EPHA6: variants seen among roughly 807,000 people sequenced by gnomAD.
EPHA6 encodes the protein EPH receptor A6, also known as ephrin type-A receptor 6.
In EPHA6, 50 loss-of-function variants were observed where a neutral mutation model predicts 112.0. The observed-to-expected ratio is 0.45, with a 90% CI of 0.36 to 0.56. The LOEUF (loss-of-function observed/expected upper bound fraction) is 0.56. EPHA6 is among the 20% of genes least tolerant of loss of function. EPHA6 has a pLI of 0.00. For missense variants in EPHA6, 1,280 were observed against 1,417.4 expected (o/e 0.90, Z 1.56); for synonymous variants, 529 against 490.7 (o/e 1.08, Z -1.03).
At chr3:96,857,561 T>C (rs1181286299) in intron 1 of EPHA6, among the ~76,000 whole-genome samples, 2 of 152,166 alleles carry the variant, frequency 1.3e-5, no homozygotes, top group East Asian at 3.9e-4. Flanking sequence ...CAGTAGGAAT[T>C]TGTCCTACAT....
At chr3:97,357,382 T>C (rs2084137219) in intron 5 of EPHA6, among the ~76,000 whole-genome samples, 1 of 152,100 alleles carries the variant, frequency 6.6e-6, no homozygotes, top group Non-Finnish European at 1.5e-5. Context: ...AGTTTCTTTA[T>C]AGTAGAACCG....
intron 2 of EPHA6, among the ~76,000 whole-genome samples, chr3:96,934,086 A>T (rs2040464139): frequency 6.6e-6 from 1 of 152,014 alleles, no homozygotes; most frequent in African/African-American, 2.4e-5. Flanking sequence ...ATTTGTTAAT[A>T]GCTTCATTTT....
At chr3:96,873,808 T>C (rs1187350218) in intron 2 of EPHA6, among the ~76,000 whole-genome samples, 1 of 152,154 alleles carries the variant, frequency 6.6e-6, no homozygotes, top group Non-Finnish European at 1.5e-5. Context: ...AGAATAACCA[T>C]GTACATTTCT....
chr3:97,281,496 G>A (rs2080285734), intron 5 of EPHA6, among the ~76,000 whole-genome samples: 1 of 151,932 alleles, frequency 6.6e-6, no homozygotes, highest in African/African-American at 2.4e-5. Context: ...TCCTAATCAA[G>A]TGTGCCTATT....
Position 97,736,112 on chromosome 3 carries a change from T to C in EPHA6, c.3122T>C (p.Ile1041Thr). 2 of 1,611,016 alleles carry C rather than the reference T, an allele frequency of 1.2e-6. No individual in the cohort carries two copies. The highest frequency in any genetic ancestry group is 8.5e-7 in the Non-Finnish European group (1 of 1,178,128). The change falls in exon 16 of 18, where the codon ATC becomes ACC. Residue 1041 changes from isoleucine to threonine, a missense_variant. Physicochemically the swap from Ile to Thr is moderately conservative, Grantham distance 89 (BLOSUM62 -1). Transcript: ENST00000389672. ...PSALHTLVED[I>T]LVMPESPGEV... Reference sequence around the variant, plus strand: ...GCCCTTCACACCCTGGTGGAGGACATCCTTGTGTAAGAGGCATAATGTTGA... The same window carrying C: ...GCCCTTCACACCCTGGTGGAGGACACCCTTGTGTAAGAGGCATAATGTTGA...
At chr3:96,991,789 A>G (rs2043226840) in intron 3 of EPHA6, among the ~76,000 whole-genome samples, 1 of 152,182 alleles carries the variant, frequency 6.6e-6, no homozygotes, top group Non-Finnish European at 1.5e-5. Context: ...GATCTGCAGA[A>G]CTAAGAACCT....
At chr3:97,686,432 C>T (rs1285378618) in intron 14 of EPHA6, among the ~76,000 whole-genome samples, 2 of 152,102 alleles carry the variant, frequency 1.3e-5, no homozygotes, top group Non-Finnish European at 2.9e-5. Flanking sequence ...AGATCTATCC[C>T]TAGGGAACTC....
At chr3:97,514,041 A>G (rs1184406755) in intron 10 of EPHA6, among the ~76,000 whole-genome samples, 1 of 152,196 alleles carries the variant, frequency 6.6e-6, no homozygotes. Flanking sequence ...CTCTGCACCA[A>G]GACCTATGCC....
intron 3 of EPHA6, among the ~76,000 whole-genome samples, chr3:97,054,066 A>G (rs954572297): frequency 6.6e-6 from 1 of 151,880 alleles, no homozygotes; most frequent in African/African-American, 2.4e-5. Flanking sequence ...ACCAACACCT[A>G]GGGGGCTTAC....
At chr3:97,665,167 C>T (rs1225278582) in intron 14 of EPHA6, among the ~76,000 whole-genome samples, 2 of 152,134 alleles carry the variant, frequency 1.3e-5, no homozygotes, top group Admixed American at 6.6e-5. Flanking sequence ...TAATACCACA[C>T]ATCTACAACT....
At chr3:97,549,449 C>A (rs1436689057) in intron 11 of EPHA6, among the ~76,000 whole-genome samples, 1 of 152,090 alleles carries the variant, frequency 6.6e-6, no homozygotes, top group East Asian at 1.9e-4. Flanking sequence ...TAGCTATGAT[C>A]TTGAAGAATA....
chr3:97,365,651 G>A (rs891123568), intron 5 of EPHA6, among the ~76,000 whole-genome samples: 6 of 152,156 alleles, frequency 3.9e-5, no homozygotes, highest in African/African-American at 1.2e-4. Flanking sequence ...GCCTCCTAAA[G>A]TGCTGGGATT....
intron 3 of EPHA6, among the ~76,000 whole-genome samples, chr3:97,159,946 A>G (rs1344673722): frequency 6.6e-6 from 1 of 152,174 alleles, no homozygotes; most frequent in East Asian, 1.9e-4. Flanking sequence ...AATGTAATCA[A>G]CCTGACACCA....
chr3:97,626,472 A>G (rs1178045889), intron 13 of EPHA6, among the ~76,000 whole-genome samples: 1 of 151,828 alleles, frequency 6.6e-6, no homozygotes, highest in Non-Finnish European at 1.5e-5. Flanking sequence ...AAAGAAAAAC[A>G]AGGATGCCAA....
At chr3:97,074,060 T>C (rs1192839948) in intron 3 of EPHA6, among the ~76,000 whole-genome samples, 1 of 151,760 alleles carries the variant, frequency 6.6e-6, no homozygotes, top group Admixed American at 6.6e-5. Context: ...AAGCATACTG[T>C]AAATGTATAC....
chr3:97,148,459 ACCTTGTC>A (rs575635792), intron 3 of EPHA6, among the ~76,000 whole-genome samples: 66 of 152,112 alleles, frequency 4.3e-4, no homozygotes, highest in Admixed American at 1.1e-3. Context: ...TCAGAGTGAG[ACCTTGTC>A]TTGAAAAAAA....
At chr3:97,685,443 C>T (rs538548683) in intron 14 of EPHA6, among the ~76,000 whole-genome samples, 1 of 152,268 alleles carries the variant, frequency 6.6e-6, no homozygotes, top group Non-Finnish European at 1.5e-5. Context: ...CCTCCCAAAC[C>T]TTAGTCACTA....
intron 14 of EPHA6, among the ~76,000 whole-genome samples, chr3:97,713,484 G>A (rs1005951901): frequency 5.3e-5 from 8 of 152,120 alleles, no homozygotes; most frequent in Non-Finnish European, 1.2e-4. Flanking sequence ...ATCGATTTCT[G>A]CAGTGCTTAT....
chr3:97,203,131 G>A (rs544232207), intron 3 of EPHA6, among the ~76,000 whole-genome samples: 1 of 152,192 alleles, frequency 6.6e-6, no homozygotes, highest in South Asian at 2.1e-4. Context: ...ATTAAGCAGG[G>A]TAAGTAAATG....
Sources: gnomAD v4.1 joint callset for allele counts (sites outside exome capture counted in the v4.1 genomes callset) on GRCh38, gnomAD v4.1.1 for gene constraint, MANE v1.5 for transcripts, NCBI Gene and HGNC (gene_info 2026-07-23, HGNC 2026-07-21) for gene names.